Variants in SCG5 observed in about 807,000 individuals in gnomAD.
SCG5 encodes the protein neuroendocrine protein 7B2.
Under a neutral mutation model 25.7 loss-of-function variants are expected in SCG5, and 18 were observed. The observed-to-expected ratio is 0.70, with a 90% CI of 0.48 to 1.04. The LOEUF (loss-of-function observed/expected upper bound fraction) is 1.04, where lower values mean the gene tolerates loss of function less well. SCG5 is among the 50% of genes least tolerant of loss of function. SCG5 has a pLI of 0.00. For missense variants in SCG5, 206 were observed against 259.8 expected (o/e 0.79, Z 1.42); for synonymous variants, 101 against 91.7 (o/e 1.10, Z -0.58).
chr15:32,692,181 A>G, intron 5 of SCG5: 1 of 1,017,288 alleles, frequency 9.8e-7, no homozygotes, highest in Middle Eastern at 4.8e-4. Context: ...GCTGAACTGC[A>G]TGCTCCAGGA....
chr15:32,663,463 T>C (rs8031528), intron 2 of SCG5, among the ~76,000 whole-genome samples: 3 of 152,162 alleles, frequency 2.0e-5, no homozygotes, highest in African/African-American at 7.2e-5. Flanking sequence ...GCCAATGCTA[T>C]ACCAGCTTGA....
At chr15:32,689,005 T>G (rs2054789880) in intron 4 of SCG5, among the ~76,000 whole-genome samples, 1 of 150,824 alleles carries the variant, frequency 6.6e-6, no homozygotes, top group African/African-American at 2.4e-5. Flanking sequence ...GGGAAGAAGT[T>G]TTGGGGCTGT....
rs1466071846 is a variant in SCG5 at position 32,651,132 on chromosome 15, GAGATTGCAGTGAGCCA to G, written c.226+7319_226+7334del. On this transcript the variant is annotated intron_variant, in intron 2 of 5. Transcript: ENST00000300175. ...GAGAATCGCTTGAACCCTAAAGGCA[GAGATTGCAGTGAGCCA>G]AGATCGCCCATTGCACTCCAGCGTG... is the stretch of plus-strand genomic sequence containing the variant. Among the ~76,000 whole-genome samples the G allele has an allele frequency of 7.9e-5, 12 of 152,314 alleles. No homozygotes were observed. In the East Asian group the frequency reaches 2.1e-3, roughly 27 times the overall value.
chr15:32,663,670 C>T (rs1258353437), intron 2 of SCG5, among the ~76,000 whole-genome samples: 1 of 152,100 alleles, frequency 6.6e-6, no homozygotes, highest in Non-Finnish European at 1.5e-5. Flanking sequence ...TATGGTAGTT[C>T]CAGGGAGTCT....
At chr15:32,686,205 T>C (rs1169066745) in intron 4 of SCG5, among the ~76,000 whole-genome samples, 4 of 152,228 alleles carry the variant, frequency 2.6e-5, no homozygotes, top group African/African-American at 4.8e-5. Flanking sequence ...TCAAGCCTAG[T>C]AGTAGAGCTT....
chr15:32,690,982 T>A (rs1012253624), intron 4 of SCG5, among the ~76,000 whole-genome samples: 4 of 150,368 alleles, frequency 2.7e-5, no homozygotes, highest in Admixed American at 2.0e-4. Context: ...AAGTGTTCTG[T>A]CTTTTATAAT....
intron 4 of SCG5, among the ~76,000 whole-genome samples, chr15:32,685,234 G>A (rs1160053136): frequency 6.6e-6 from 1 of 152,226 alleles, no homozygotes; most frequent in African/African-American, 2.4e-5. Flanking sequence ...TAAGCACTTG[G>A]AAAGATAAAT....
chr15:32,648,753 A>C, intron 2 of SCG5, among the ~76,000 whole-genome samples: 1 of 144,164 alleles, frequency 6.9e-6, no homozygotes. Flanking sequence ...ACCCCCCTAC[A>C]TTCTCTGTTG....
chr15:32,644,168 C>T (rs1371032137), intron 2 of SCG5, among the ~76,000 whole-genome samples: 1 of 152,180 alleles, frequency 6.6e-6, no homozygotes, highest in Non-Finnish European at 1.5e-5. Flanking sequence ...AGTGTTATCA[C>T]TAAAGAAAGA....
At chr15:32,694,059 G>A (rs571174473) in intron 5 of SCG5, among the ~76,000 whole-genome samples, 4 of 152,110 alleles carry the variant, frequency 2.6e-5, no homozygotes, top group Non-Finnish European at 4.4e-5. Context: ...GCAGTGAGCC[G>A]AGATCATACC....
At chr15:32,663,059 ATATATATATATATATAT>A (rs1470552471) in intron 2 of SCG5, among the ~76,000 whole-genome samples, 3 of 68,466 alleles carry the variant, frequency 4.4e-5, no homozygotes, top group Non-Finnish European at 9.1e-5. Context: ...ATATATATAT[ATATATATATATATATAT>A]ATAATATATA....
chr15:32,654,027 A>G (rs140333695), intron 2 of SCG5, among the ~76,000 whole-genome samples: 31 of 152,374 alleles, frequency 2.0e-4, no homozygotes, highest in Admixed American at 2.0e-3. Flanking sequence ...CTTCATGCAC[A>G]GTGTCATGCT....
At chr15:32,643,865 A>G (rs1284585084) in intron 2 of SCG5, 47 bp downstream of exon 2, 4 of 1,520,078 alleles carry the variant, frequency 2.6e-6, no homozygotes, top group Non-Finnish European at 3.6e-6. Flanking sequence ...AGCATTTTAA[A>G]TAATATATTT....
At chr15:32,653,252 A>C (rs1371505778) in intron 2 of SCG5, among the ~76,000 whole-genome samples, 5 of 152,222 alleles carry the variant, frequency 3.3e-5, no homozygotes, top group Non-Finnish European at 5.9e-5. Context: ...ATTTTCAATC[A>C]CGAGTGAGAT....
intron 2 of SCG5, among the ~76,000 whole-genome samples, chr15:32,663,817 T>A (rs2054276417): frequency 6.6e-6 from 1 of 152,166 alleles, no homozygotes; most frequent in Non-Finnish European, 1.5e-5. Flanking sequence ...CAGCTGCAGC[T>A]TCAAGTCCAG....
intron 3 of SCG5, among the ~76,000 whole-genome samples, chr15:32,680,408 C>T (rs2054599246): frequency 6.6e-6 from 1 of 151,942 alleles, no homozygotes; most frequent in Admixed American, 6.6e-5. Context: ...GCGTGTTAGC[C>T]AGGATGGTCT....
chr15:32,649,677 C>T (rs1297840687), intron 2 of SCG5, among the ~76,000 whole-genome samples: 5 of 151,420 alleles, frequency 3.3e-5, no homozygotes, highest in African/African-American at 4.9e-5. Flanking sequence ...TTAACTTCTC[C>T]GTGGGCGCCT....
At chr15:32,683,635 C>T (rs902268199) in intron 3 of SCG5, among the ~76,000 whole-genome samples, 3 of 152,136 alleles carry the variant, frequency 2.0e-5, no homozygotes, top group Admixed American at 6.6e-5. Context: ...ACAGCAATCC[C>T]GTAGGTAAGT....
chr15:32,645,147 C>T (rs892996926), intron 2 of SCG5, among the ~76,000 whole-genome samples: 14 of 152,192 alleles, frequency 9.2e-5, no homozygotes, highest in African/African-American at 2.2e-4. Context: ...CATCTGTCAC[C>T]GTTACTTCAA....
Sources: gnomAD v4.1 joint callset for allele counts (sites outside exome capture counted in the v4.1 genomes callset) on GRCh38, gnomAD v4.1.1 for gene constraint, MANE v1.5 for transcripts, NCBI Gene and HGNC (gene_info 2026-07-23, HGNC 2026-07-21) for gene names.